SEMA6D: variants seen among roughly 807,000 people sequenced by gnomAD.
SEMA6D encodes semaphorin 6D, also known as semaphorin-6D.
In SEMA6D, 35 loss-of-function variants were observed where a neutral mutation model predicts 106.6. The observed-to-expected ratio is 0.33, with a 90% CI of 0.25 to 0.44. SEMA6D has a LOEUF of 0.44. Among genes scored for constraint, SEMA6D ranks in the 20% least tolerant of loss-of-function variants. The probability of loss-of-function intolerance (pLI) is 1.00; values close to 1 mark genes in which losing one functional copy is unlikely to be tolerated. For synonymous variants in SEMA6D, 499 were observed against 487.7 expected, an observed-to-expected ratio of 1.02 and a Z score of -0.31; for missense variants, 1,185 against 1,345.9, an observed-to-expected ratio of 0.88 and a Z score of 1.87.
At chr15:47,468,335 C>T (rs2042725550) in intron 2 of SEMA6D, among the ~76,000 whole-genome samples, 1 of 152,174 alleles carries the variant, frequency 6.6e-6, no homozygotes, top group Admixed American at 6.5e-5. Flanking sequence ...GTTTCAACCA[C>T]TGCAATCGAA....
chr15:47,654,728 C>T (rs919078517), intron 4 of SEMA6D, among the ~76,000 whole-genome samples: 8 of 152,302 alleles, frequency 5.3e-5, no homozygotes, highest in African/African-American at 1.9e-4. Context: ...CTGCCTTTCT[C>T]TCTTGCTCCT....
At chr15:47,270,534 T>C (rs1304903058) in intron 1 of SEMA6D, among the ~76,000 whole-genome samples, 2 of 152,122 alleles carry the variant, frequency 1.3e-5, no homozygotes, top group Admixed American at 6.6e-5. Context: ...ATCCTTGCCT[T>C]CTTCTCAATC....
At chr15:47,333,573 A>G (rs943903482) in intron 1 of SEMA6D, among the ~76,000 whole-genome samples, 2 of 152,124 alleles carry the variant, frequency 1.3e-5, no homozygotes, top group African/African-American at 4.8e-5. Context: ...TCAACATGTA[A>G]TGGGATATTG....
chr15:47,659,608 A>G (rs2077875719), intron 4 of SEMA6D, among the ~76,000 whole-genome samples: 1 of 152,094 alleles, frequency 6.6e-6, no homozygotes, highest in African/African-American at 2.4e-5. Flanking sequence ...GTTTATAAAA[A>G]TCAAAAGTTT....
At chr15:47,206,143 G>A (rs1463120175) in intron 1 of SEMA6D, among the ~76,000 whole-genome samples, 2 of 152,154 alleles carry the variant, frequency 1.3e-5, no homozygotes, top group South Asian at 2.1e-4. Context: ...CAAGCCACAT[G>A]CCTTGAAGGT....
At chr15:47,331,331 C>A (rs1306785337) in intron 1 of SEMA6D, among the ~76,000 whole-genome samples, 1 of 151,886 alleles carries the variant, frequency 6.6e-6, no homozygotes, top group Non-Finnish European at 1.5e-5. Context: ...GATATATATG[C>A]AAAGATATAT....
At chr15:47,706,320 G>T (rs2078911548) in intron 4 of SEMA6D, among the ~76,000 whole-genome samples, 1 of 152,154 alleles carries the variant, frequency 6.6e-6, no homozygotes, top group South Asian at 2.1e-4. Context: ...ATCCTTTGTA[G>T]TTTATTCCTG....
chr15:47,356,569 G>GAA (rs5812382), intron 1 of SEMA6D, among the ~76,000 whole-genome samples: 3 of 144,456 alleles, frequency 2.1e-5, no homozygotes, highest in African/African-American at 2.6e-5. Flanking sequence ...AAGAGAGAGC[G>GAA]AAAAAAAAAA....
chr15:47,609,981 G>T (rs1340867177), intron 4 of SEMA6D, among the ~76,000 whole-genome samples: 1 of 152,134 alleles, frequency 6.6e-6, no homozygotes, highest in African/African-American at 2.4e-5. Context: ...CTTCCTGCTC[G>T]ATCCAGCCTG....
At chr15:47,324,005 A>G (rs1056004566) in intron 1 of SEMA6D, among the ~76,000 whole-genome samples, 4 of 151,454 alleles carry the variant, frequency 2.6e-5, no homozygotes, top group Admixed American at 1.3e-4. Context: ...AAAAAATCCA[A>G]TGATAAAACT....
rs188380605 is a variant in SEMA6D at position 47,353,002 on chromosome 15, C to T, written c.-238-59391C>T. The stretch of plus-strand genomic sequence containing the variant: ...ATACAAATGTTTATTTAACTGTACA[C>T]AGATGTCGTAAGAGGTACTATTAGG... On this transcript the variant is annotated intron_variant, in intron 1 of 19. Coordinates refer to the SEMA6D transcript ENST00000558014. 9.9e-5 allele frequency among the ~76,000 whole-genome samples: 15 copies of T among 152,200 alleles called. No individual in the cohort carries two copies. In the East Asian group the frequency reaches 1.5e-3, roughly 16 times the overall value.
rs7183737 is a variant in SEMA6D at position 47,731,502 on chromosome 15, G to A, written c.-55+13810G>A. Among the ~76,000 whole-genome samples the A allele has an allele frequency of 7.0e-3, 1,069 of 152,280 alleles. 17 individuals are homozygous for A. Among genetic ancestry groups the A allele is most frequent in the African/African-American group, 0.024 (988 of 41,554 alleles). ...AAGTGTTCTATGAAAAAGGGAGAGT[G>A]TATGGTAGCCCTCATTGAGCATGGT... On this transcript the variant is annotated intron_variant, in intron 1 of 18. Coordinates refer to ENST00000536845, the MANE Select transcript of SEMA6D (RefSeq NM_001358351.3).
At chr15:47,623,857 A>G (rs937161588) in intron 4 of SEMA6D, among the ~76,000 whole-genome samples, 5 of 152,182 alleles carry the variant, frequency 3.3e-5, no homozygotes, top group African/African-American at 7.2e-5. Context: ...TGCCCTCTCT[A>G]TAATCCATTC....
rs529454140 is a variant in SEMA6D, at chr15:47,493,302, C to T, written c.-87+22757C>T. Among the ~76,000 whole-genome samples the T allele has an allele frequency of 1.1e-4, 16 of 152,294 alleles. 2 individuals are homozygous for T. Among genetic ancestry groups the T allele is most frequent in the African/African-American group, 3.8e-4 (16 of 41,564 alleles). ...GGAAACACACCTCTGTGGAGAAACA[C>T]ACTATGTGAAATTTTGTTAGCAACT... On this transcript the variant is annotated intron_variant, in intron 3 of 19. Coordinates refer to the SEMA6D transcript ENST00000558014.
chr15:47,480,024 A>ATTT (rs11419122), intron 3 of SEMA6D, among the ~76,000 whole-genome samples: 1,725 of 142,190 alleles, frequency 0.012, 41 homozygotes, highest in African/African-American at 0.043. Context: ...CACCTGATTA[A>ATTT]TTTTTTTTTT....
intron 1 of SEMA6D, among the ~76,000 whole-genome samples, chr15:47,309,145 C>A (rs1008372778): frequency 6.6e-6 from 1 of 152,172 alleles, no homozygotes; most frequent in Admixed American, 6.5e-5. Context: ...ACATTTAATA[C>A]AGTAGTCCCC....
At chr15:47,760,508 A>T in intron 3 of SEMA6D, 93 bp downstream of exon 3, 1 of 955,946 alleles carries the variant, frequency 1.0e-6, no homozygotes, top group Non-Finnish European at 1.6e-6. Context: ...CTAATATGTG[A>T]TTGTGATCAA....
chr15:47,381,755 G>A (rs2039647684), intron 1 of SEMA6D, among the ~76,000 whole-genome samples: 2 of 152,144 alleles, frequency 1.3e-5, no homozygotes, highest in Non-Finnish European at 2.9e-5. Flanking sequence ...AAAGTTATAG[G>A]AAATATGAGT....
At chr15:47,573,810 C>T (rs1272257774) in intron 3 of SEMA6D, among the ~76,000 whole-genome samples, 1 of 152,162 alleles carries the variant, frequency 6.6e-6, no homozygotes, top group Non-Finnish European at 1.5e-5. Context: ...TTCATCTGTC[C>T]CAGCTATCAA....
Sources: allele counts gnomAD v4.1 joint callset (sites outside exome capture counted in the v4.1 genomes callset), GRCh38; gene constraint gnomAD v4.1.1; transcripts MANE v1.5; gene names NCBI Gene and HGNC (gene_info 2026-07-23, HGNC 2026-07-21).